The following INCA1 variants were observed in gnomAD, a reference collection of about 807,000 sequenced individuals.
INCA1 encodes protein INCA1.
In INCA1, 28 loss-of-function variants were observed where a neutral mutation model predicts 25.7. The observed-to-expected ratio is 1.09, with a 90% CI of 0.81 to 1.49. The LOEUF (loss-of-function observed/expected upper bound fraction) is 1.49, where lower values mean the gene tolerates loss of function less well. INCA1 is among the 40% of genes most tolerant of loss of function. The pLI is 0.00. For synonymous variants in INCA1, 111 were observed against 103.6 expected (o/e 1.07, Z -0.43); for missense variants, 309 against 290.9 (o/e 1.06, Z -0.45).
intron 2 of INCA1, among the ~76,000 whole-genome samples, chr17:4,991,515 C>T (rs1380863493): frequency 2.0e-5 from 3 of 152,160 alleles, no homozygotes; most frequent in East Asian, 3.8e-4. Context: ...GAACACTGCT[C>T]GTCACTTCCA....
Position 4,989,949 on chromosome 17 carries a change from G to T in INCA1, c.159-20C>A. The T allele has an allele frequency of 6.2e-7, 1 of 1,614,072 alleles. No homozygotes were observed. The highest frequency in any genetic ancestry group is 8.5e-7 in the Non-Finnish European group (1 of 1,179,982). ...GTGGGGCTGTGAAGAACAAAAAGGGGGCTATAAGTGCAGAGGGGACATGTC... is the reference window on the plus strand; with the variant it reads ...GTGGGGCTGTGAAGAACAAAAAGGGTGCTATAAGTGCAGAGGGGACATGTC... On this transcript the variant is annotated intron_variant, in intron 3 of 6. Transcript: ENST00000576820.
At chr17:4,994,866 A>G (rs1974128475) in intron 1 of INCA1, among the ~76,000 whole-genome samples, 1 of 151,480 alleles carries the variant, frequency 6.6e-6, no homozygotes, top group Non-Finnish European at 1.5e-5. Context: ...AGATCTAGAG[A>G]ATGGAAAAAG....
chr17:4,988,794 A>T (rs771689812), exon 6 of INCA1: 18 of 1,614,064 alleles, frequency 1.1e-5, no homozygotes, highest in Non-Finnish European at 1.4e-5. Context: ...CCCTGCCAGG[A>T]GTGAGAAAAC....
In INCA1 at chr17:4,994,580, AGGAGTTC is replaced by A. The variant is rs1174990800; in HGVS notation, c.-38-112_-38-106del. The stretch of plus-strand genomic sequence containing the variant: ...GCCAAGGCGGGCGGATCATGAGGTC[AGGAGTTC>A]AAGACCAGCCTGGCCAATATAGTGA... On this transcript the variant is annotated intron_variant, in intron 1 of 6. Transcript: ENST00000576820. 1.2e-5 allele frequency: 9 copies of A among 749,686 alleles called. No homozygotes were observed. The East Asian group carries it at 2.5e-4, about 21-fold the overall frequency. The allele number at this position is 749,686 out of a possible 1,614,324, so 46.4% of individuals were successfully genotyped here.
At chr17:4,990,223 A>G (rs138333859) in exon 3 of INCA1, 30 of 1,614,004 alleles carry the variant, frequency 1.9e-5, no homozygotes, top group Middle Eastern at 3.3e-4. Flanking sequence ...GGCTCTGGGA[A>G]GGCAACCTTG....
At chr17:4,992,616 T>TCCTCTCCTCC (rs1363945651) in intron 2 of INCA1, among the ~76,000 whole-genome samples, 11 of 150,264 alleles carry the variant, frequency 7.3e-5, no homozygotes, top group East Asian at 2.0e-4. Flanking sequence ...TCTTTCTTCT[T>TCCTCTCCTCC]CCTCTCCTCC....
At chr17:4,996,836 T>G (rs189275307) in intron 1 of INCA1, 1 of 152,592 alleles carries the variant, frequency 6.6e-6, no homozygotes, top group Non-Finnish European at 1.5e-5. Context: ...CGGAGAGAAG[T>G]ATACCGTGCG....
chr17:4,991,823 A>G (rs911058506), intron 2 of INCA1, among the ~76,000 whole-genome samples: 2 of 152,088 alleles, frequency 1.3e-5, no homozygotes, highest in Admixed American at 1.3e-4. Context: ...TCCCACATCT[A>G]ATCCATCAGC....
At chr17:4,994,499 T>G in intron 1 of INCA1, 24 bp from the exon 2 acceptor site, 1 of 1,580,372 alleles carries the variant, frequency 6.3e-7, no homozygotes, top group Non-Finnish European at 8.7e-7. Context: ...GGAAAAGAAG[T>G]CATTCATTCG....
At chr17:4,996,039 T>C (rs1428335831) in intron 1 of INCA1, 1 of 152,040 alleles carries the variant, frequency 6.6e-6, no homozygotes, top group Non-Finnish European at 1.5e-5. Flanking sequence ...GGGAGGTCAG[T>C]TGCATATAGG....
intron 1 of INCA1, among the ~76,000 whole-genome samples, chr17:4,994,888 G>A (rs562863990): frequency 6.6e-6 from 1 of 151,606 alleles, no homozygotes; most frequent in East Asian, 1.9e-4. Context: ...ATGTATGGAT[G>A]CTGAAAAAAG....
At chr17:4,991,780 C>T (rs918526280) in intron 2 of INCA1, among the ~76,000 whole-genome samples, 4 of 152,160 alleles carry the variant, frequency 2.6e-5, no homozygotes, top group Non-Finnish European at 5.9e-5. Context: ...GTTGCTAAGA[C>T]CAAAAACATG....
intron 2 of INCA1, among the ~76,000 whole-genome samples, chr17:4,991,217 C>A (rs948768072): frequency 2.0e-5 from 3 of 152,118 alleles, no homozygotes; most frequent in Non-Finnish European, 4.4e-5. Flanking sequence ...TGTGCCCGGC[C>A]TAATCTCAAC....
At chr17:4,988,611 T>C in intron 6 of INCA1, 57 bp from the exon 7 acceptor site, 1 of 1,599,518 alleles carries the variant, frequency 6.3e-7, no homozygotes, top group Admixed American at 1.8e-5. Flanking sequence ...TCTTTCCAGA[T>C]TTCCTAGTAC....
At position 4,988,566 on chromosome 17, in the gene INCA1, A is replaced by T; in HGVS notation, c.562-12T>A. ...GGAGACCAAAGCAGCTGTCAAGATG[A>T]GAGAAATTGAAAAAGAAAATGGAAA... On this transcript the variant is annotated splice_polypyrimidine_tract_variant and intron_variant, in intron 6 of 6. Coordinates refer to ENST00000576820, the Ensembl canonical transcript of INCA1. The T allele has an allele frequency of 6.2e-7, 1 of 1,606,936 alleles. No individual in the cohort carries two copies. Among genetic ancestry groups the T allele is most frequent in the Non-Finnish European group, 8.5e-7 (1 of 1,178,188 alleles).
intron 2 of INCA1, among the ~76,000 whole-genome samples, chr17:4,992,282 T>TG (rs1382806908): frequency 7.6e-5 from 11 of 145,200 alleles, no homozygotes; most frequent in African/African-American, 2.9e-4. Flanking sequence ...ATCCAAACCG[T>TG]TTTTTTTCTT....
At chr17:4,989,391 G>T in intron 5 of INCA1, 37 bp downstream of exon 5, 1 of 1,579,454 alleles carries the variant, frequency 6.3e-7, no homozygotes, top group Non-Finnish European at 8.6e-7. Flanking sequence ...CCCAAATCCT[G>T]CATGACTCCC....
At chr17:4,993,149 G>A (rs746635083) in intron 2 of INCA1, among the ~76,000 whole-genome samples, 7 of 151,154 alleles carry the variant, frequency 4.6e-5, no homozygotes, top group African/African-American at 9.7e-5. Flanking sequence ...CAAAGTGCTC[G>A]GATTACAGGT....
intron 4 of INCA1, 84 bp from the exon 5 acceptor site, chr17:4,989,708 G>A (rs1471878792): frequency 6.4e-7 from 1 of 1,572,048 alleles, no homozygotes; most frequent in Admixed American, 1.7e-5. Context: ...TAGGGAGTCT[G>A]GGGTCTTGGG....
Sources: allele counts gnomAD v4.1 joint callset (sites outside exome capture counted in the v4.1 genomes callset), GRCh38; gene constraint gnomAD v4.1.1; transcripts MANE v1.5; gene names NCBI Gene and HGNC (gene_info 2026-07-23, HGNC 2026-07-21).